The following PLXDC2 variants were observed in gnomAD, a reference collection of about 807,000 sequenced individuals.
PLXDC2 encodes the protein plexin domain-containing protein 2.
In PLXDC2, 40 loss-of-function variants were observed where a neutral mutation model predicts 68.9. The observed-to-expected ratio is 0.58, with a 90% confidence interval of 0.45 to 0.76. The LOEUF (loss-of-function observed/expected upper bound fraction) is 0.76. Among genes scored for constraint, PLXDC2 ranks in the 30% least tolerant of loss-of-function variants. The pLI, the probability that PLXDC2 is intolerant of heterozygous loss-of-function variation, is 0.00. For synonymous variants in PLXDC2, 243 were observed against 234.2 expected (o/e 1.04, Z -0.34); for missense variants, 644 against 661.9 (o/e 0.97, Z 0.30).
At chr10:19,843,899 T>A (rs937249308) in intron 1 of PLXDC2, among the ~76,000 whole-genome samples, 1 of 152,204 alleles carries the variant, frequency 6.6e-6, no homozygotes. Flanking sequence ...AACTGTATTG[T>A]GTATTTCAAA....
intron 2 of PLXDC2, among the ~76,000 whole-genome samples, chr10:20,044,255 T>G (rs563623428): frequency 1.5e-5 from 2 of 130,580 alleles, no homozygotes; most frequent in African/African-American, 6.6e-5. Context: ...CTTTCTTTCT[T>G]TCTTTCTTTC....
At position 20,276,878 on chromosome 10, in the gene PLXDC2, A is replaced by G. The variant is rs190267102; in HGVS notation, c.1474-2825A>G. ...CCAAGCCCTTCCCCGTACTCTGGGT[A>G]GGTGGCTCCTATTATGGCATAGATG... is the stretch of plus-strand genomic sequence containing the variant. On this transcript the variant is annotated intron_variant, in intron 13 of 13. Transcript: ENST00000377252. Among the ~76,000 whole-genome samples the G allele has an allele frequency of 3.9e-5, 6 of 152,254 alleles. No individual in the cohort carries two copies. The South Asian group carries it at 8.3e-4, about 21-fold the overall frequency.
chr10:19,989,357 A>T (rs10827919), intron 1 of PLXDC2, among the ~76,000 whole-genome samples: 56 of 152,064 alleles, frequency 3.7e-4, no homozygotes, highest in African/African-American at 1.2e-3. Context: ...AAATGATTGC[A>T]GTTGTTCACA....
Position 20,256,754 on chromosome 10 carries a change from A to T in PLXDC2, c.1473+11249A>T, listed in dbSNP as rs140670418. On this transcript the variant is annotated intron_variant, in intron 13 of 13. Transcript: ENST00000377252. Reference sequence around the variant, plus strand: ...GCTTATAAGTGGACTTGAATCCTGAATATGTATAAGTTTAATATGGAGAAA... The same window carrying T: ...GCTTATAAGTGGACTTGAATCCTGATTATGTATAAGTTTAATATGGAGAAA... Among the ~76,000 whole-genome samples the T allele has an allele frequency of 4.0e-3, 609 of 152,090 alleles. 4 individuals are homozygous for T. The highest frequency in any genetic ancestry group is 0.013 in the African/African-American group (556 of 41,486).
chr10:20,076,758 T>A (rs995660110), intron 4 of PLXDC2, among the ~76,000 whole-genome samples: 1 of 152,146 alleles, frequency 6.6e-6, no homozygotes, highest in African/African-American at 2.4e-5. Flanking sequence ...GCTCAACCAC[T>A]GATGTCTGGG....
chr10:19,931,952 A>AGTGTGTGTGTGTGTGTGT lies in PLXDC2; in HGVS notation c.113-69812_113-69795dup, dbSNP rs33953625. On this transcript the variant is annotated intron_variant, in intron 1 of 13. Coordinates refer to ENST00000377252, the MANE Select transcript of PLXDC2 (RefSeq NM_032812.9). ...ACAGGAAATATCTTCTAATTTGGGA[A>AGTGTGTGTGTGTGTGTGT]GTGTGTGTGTGTGTGTGTGTGTGTG... is the stretch of plus-strand genomic sequence containing the variant. Among the ~76,000 whole-genome samples, 562 of 149,716 alleles carry AGTGTGTGTGTGTGTGTGT rather than the reference A, an allele frequency of 3.8e-3. 3 individuals carry two copies. Among genetic ancestry groups the AGTGTGTGTGTGTGTGTGT allele is most frequent in the African/African-American group, 0.011 (429 of 40,584 alleles).
intron 12 of PLXDC2, among the ~76,000 whole-genome samples, chr10:20,239,400 T>A (rs1047667979): frequency 1.3e-5 from 2 of 152,196 alleles, no homozygotes; most frequent in African/African-American, 4.8e-5. Context: ...GAGGTTTAAT[T>A]GACTCACAGT....
chr10:19,995,843 G>T (rs1834834303), intron 1 of PLXDC2, among the ~76,000 whole-genome samples: 1 of 152,198 alleles, frequency 6.6e-6, no homozygotes, highest in South Asian at 2.1e-4. Flanking sequence ...AGACAATATT[G>T]AGCTGAATCT....
At chr10:20,096,600 C>G (rs1029127626) in intron 4 of PLXDC2, among the ~76,000 whole-genome samples, 1 of 151,928 alleles carries the variant, frequency 6.6e-6, no homozygotes, top group African/African-American at 2.4e-5. Flanking sequence ...AGGAAATAGT[C>G]TCAAAACAAA....
At chr10:20,022,954 C>A (rs1023095427) in intron 2 of PLXDC2, among the ~76,000 whole-genome samples, 2 of 151,758 alleles carry the variant, frequency 1.3e-5, no homozygotes, top group African/African-American at 4.8e-5. Flanking sequence ...TAAATATGTT[C>A]TACTCTACCT....
At chr10:20,213,353 A>G (rs192544939) in intron 10 of PLXDC2, among the ~76,000 whole-genome samples, 6 of 152,032 alleles carry the variant, frequency 3.9e-5, no homozygotes, top group Non-Finnish European at 8.8e-5. Context: ...CACCTGTTTT[A>G]TGTATATTTT....
At chr10:20,022,966 C>T (rs1415566594) in intron 2 of PLXDC2, among the ~76,000 whole-genome samples, 3 of 151,624 alleles carry the variant, frequency 2.0e-5, no homozygotes, top group Non-Finnish European at 4.4e-5. Flanking sequence ...ACTCTACCTC[C>T]AAAGGGGGAG....
chr10:19,861,981 A>G (rs144464843), intron 1 of PLXDC2, among the ~76,000 whole-genome samples: 1,546 of 152,288 alleles, frequency 0.01, 19 homozygotes, highest in Non-Finnish European at 0.016. Context: ...AAGCCAGCTC[A>G]TTTTCCTAAA....
At chr10:20,276,616 G>C (rs950341010) in intron 13 of PLXDC2, among the ~76,000 whole-genome samples, 1 of 152,126 alleles carries the variant, frequency 6.6e-6, no homozygotes, top group African/African-American at 2.4e-5. Context: ...TTACAGTCTG[G>C]TTTGAGTTCT....
intron 1 of PLXDC2, among the ~76,000 whole-genome samples, chr10:19,846,347 A>G (rs1389427494): frequency 6.6e-6 from 1 of 152,164 alleles, no homozygotes; most frequent in Non-Finnish European, 1.5e-5. Flanking sequence ...AGAAGATAAG[A>G]TTGGAAAGAG....
chr10:20,068,292 T>C, intron 4 of PLXDC2, 53 bp downstream of exon 4: 3 of 1,402,054 alleles, frequency 2.1e-6, no homozygotes, highest in Non-Finnish European at 3.0e-6. Context: ...TGACTGCAGT[T>C]ATTATTTTTA....
intron 6 of PLXDC2, among the ~76,000 whole-genome samples, chr10:20,158,147 C>A (rs1482304834): frequency 4.6e-5 from 7 of 151,708 alleles, no homozygotes; most frequent in Admixed American, 2.6e-4. Flanking sequence ...TGATGACTCA[C>A]GAGACATTTT....
At chr10:19,825,279 G>A (rs529872131) in intron 1 of PLXDC2, among the ~76,000 whole-genome samples, 1 of 152,248 alleles carries the variant, frequency 6.6e-6, no homozygotes, top group East Asian at 1.9e-4. Flanking sequence ...AAGGTGTGTA[G>A]CTCATTGAGG....
intron 6 of PLXDC2, among the ~76,000 whole-genome samples, chr10:20,159,881 C>G (rs1386973627): frequency 2.0e-5 from 3 of 152,324 alleles, no homozygotes; most frequent in African/African-American, 7.2e-5. Context: ...AAATCACCTT[C>G]TCAGAGAGAG....
Sources: gnomAD v4.1 joint callset for allele counts (sites outside exome capture counted in the v4.1 genomes callset) on GRCh38, gnomAD v4.1.1 for gene constraint, MANE v1.5 for transcripts, NCBI Gene and HGNC (gene_info 2026-07-23, HGNC 2026-07-21) for gene names.